Variants in MAPK4 observed in about 807,000 individuals in gnomAD.
The protein encoded by MAPK4 is Erk3-related.
MAPK4 carries 22 observed loss-of-function variants against 47.7 expected under a neutral mutation model. The ratio of observed to expected loss-of-function variants is 0.46; its 90% CI spans 0.33 to 0.66. The LOEUF is 0.66. MAPK4 is among the 30% of genes least tolerant of loss of function. The pLI, the probability that MAPK4 is intolerant of heterozygous loss-of-function variation, is 0.02. For synonymous variants in MAPK4, 390 were observed against 365.7 expected (o/e 1.07, Z -0.76); for missense variants, 736 against 831.7 (o/e 0.88, Z 1.42).
chr18:50,647,412 C>G (rs917501400), intron 1 of MAPK4, among the ~76,000 whole-genome samples: 4 of 152,162 alleles, frequency 2.6e-5, no homozygotes, highest in Non-Finnish European at 5.9e-5. Flanking sequence ...AACCCAGATT[C>G]AGCATCTTGA....
chr18:50,673,999 C>T (rs1051422796), intron 2 of MAPK4, among the ~76,000 whole-genome samples: 7 of 151,912 alleles, frequency 4.6e-5, no homozygotes, highest in African/African-American at 1.7e-4. Flanking sequence ...GTCTTTTTTT[C>T]TCCAGCTGAT....
intron 1 of MAPK4, among the ~76,000 whole-genome samples, chr18:50,597,315 G>A (rs1181012314): frequency 6.6e-6 from 1 of 152,158 alleles, no homozygotes; most frequent in Non-Finnish European, 1.5e-5. Flanking sequence ...CAGATCCAGA[G>A]ATATTACCAA....
At chr18:50,710,024 C>T (rs552660795) in intron 2 of MAPK4, among the ~76,000 whole-genome samples, 4 of 152,224 alleles carry the variant, frequency 2.6e-5, no homozygotes, top group South Asian at 2.1e-4. Flanking sequence ...GTTGGGAAGG[C>T]GAGGCTGTCA....
intron 1 of MAPK4, among the ~76,000 whole-genome samples, chr18:50,594,254 C>G (rs73430693): frequency 0.041 from 6,201 of 152,280 alleles, 454 homozygotes; most frequent in African/African-American, 0.14. Context: ...GTCTTCCTCT[C>G]CCAGTGCACT....
chr18:50,617,841 A>G (rs998337046), intron 1 of MAPK4, among the ~76,000 whole-genome samples: 8 of 152,192 alleles, frequency 5.3e-5, no homozygotes, highest in African/African-American at 1.9e-4. Flanking sequence ...TCTTGCTTAT[A>G]AAAGTCTTCA....
At chr18:50,586,998 C>T (rs2042394831) in intron 1 of MAPK4, among the ~76,000 whole-genome samples, 1 of 152,138 alleles carries the variant, frequency 6.6e-6, no homozygotes, top group Admixed American at 6.5e-5. Flanking sequence ...TATGAAATGA[C>T]AGCTGGTAAA....
In MAPK4 at chr18:50,688,864, C is replaced by A. The variant is rs111614879; in HGVS notation, c.546+24360C>A. On this transcript the variant is annotated intron_variant, in intron 2 of 5. Coordinates refer to ENST00000400384, the MANE Select transcript of MAPK4 (RefSeq NM_002747.4). ...ACTTACTCATATAACCAAATACCAC[C>A]TGTTCTCCCAAAAACCTATGGAAAT... is the stretch of plus-strand genomic sequence containing the variant. 2.1e-3 allele frequency among the ~76,000 whole-genome samples: 304 copies of A among 141,430 alleles called. 1 individual carries two copies. Among genetic ancestry groups the A allele is most frequent in the African/African-American group, 7.1e-3 (266 of 37,498 alleles). 92.8% of individuals were successfully genotyped at this position (141,430 alleles called of 152,430 possible).
At chr18:50,581,750 G>A (rs780153976) in intron 1 of MAPK4, among the ~76,000 whole-genome samples, 4 of 152,230 alleles carry the variant, frequency 2.6e-5, no homozygotes, top group South Asian at 2.1e-4. Context: ...GTAGAATGTG[G>A]TGAAGGGTTG....
intron 1 of MAPK4, among the ~76,000 whole-genome samples, chr18:50,634,653 C>T (rs1172736515): frequency 6.6e-6 from 1 of 152,150 alleles, no homozygotes; most frequent in African/African-American, 2.4e-5. Context: ...GGAAGAAATT[C>T]TGTGATCTGA....
intron 1 of MAPK4, among the ~76,000 whole-genome samples, chr18:50,655,825 G>T (rs2043104123): frequency 6.6e-6 from 1 of 152,128 alleles, no homozygotes; most frequent in African/African-American, 2.4e-5. Flanking sequence ...TTTCTTTTCT[G>T]GGCCTCAGGG....
At chr18:50,631,351 A>G (rs2144153970) in intron 1 of MAPK4, among the ~76,000 whole-genome samples, 1 of 152,252 alleles carries the variant, frequency 6.6e-6, no homozygotes, top group South Asian at 2.1e-4. Flanking sequence ...GATCAGACAT[A>G]CGGTTGGCTG....
At chr18:50,723,610 C>G (rs1032402999) in intron 4 of MAPK4, among the ~76,000 whole-genome samples, 4 of 152,176 alleles carry the variant, frequency 2.6e-5, no homozygotes, top group African/African-American at 9.7e-5. Flanking sequence ...AGCCTGTAAT[C>G]CCAGCACTTT....
intron 1 of MAPK4, among the ~76,000 whole-genome samples, chr18:50,627,292 C>T (rs904928078): frequency 4.6e-5 from 7 of 152,122 alleles, no homozygotes; most frequent in Admixed American, 6.5e-5. Context: ...GGAAGGATTC[C>T]GAAGGAAGGA....
intron 3 of MAPK4, among the ~76,000 whole-genome samples, chr18:50,718,882 G>A (rs1381371176): frequency 2.0e-5 from 3 of 152,002 alleles, no homozygotes; most frequent in African/African-American, 7.2e-5. Context: ...AGGAGCTCCA[G>A]ACCAGTCTGG....
At position 50,663,454 on chromosome 18, in the gene MAPK4, G is replaced by A. The variant is rs1366187460; in HGVS notation, c.-505G>A. 1 of 152,944 alleles carries A rather than the reference G, an allele frequency of 6.5e-6. No individual in the cohort carries two copies. The highest frequency in any genetic ancestry group is 1.5e-5 in the Non-Finnish European group (1 of 68,624). 9.5% of individuals were successfully genotyped at this position (152,944 alleles called of 1,614,324 possible). Reference sequence around the variant, plus strand: ...CATACTGCTTGGAACACAGAAAGAGGCTGTGACACAGCTGAGCTTTGGAGC... The same window carrying A: ...CATACTGCTTGGAACACAGAAAGAGACTGTGACACAGCTGAGCTTTGGAGC... On this transcript the variant is annotated 5_prime_UTR_variant, in exon 2 of 6. Transcript: ENST00000400384.
In MAPK4 at chr18:50,579,506, C is replaced by T. The variant is rs542920147; in HGVS notation, c.-871+19263C>T. On this transcript the variant is annotated intron_variant, in intron 1 of 5. Transcript: ENST00000400384. ...AAGTGGAGTGGGACAGTCCCACCTC[C>T]TTAGTCTAGATGAGTTTGGGGAGGA... Among the ~76,000 whole-genome samples, 13 of 152,266 alleles carry T rather than the reference C, an allele frequency of 8.5e-5. No individual in the cohort carries two copies. In the South Asian group the frequency reaches 2.3e-3, roughly 27 times the overall value.
intron 2 of MAPK4, among the ~76,000 whole-genome samples, chr18:50,670,901 C>A (rs1471685844): frequency 1.3e-5 from 2 of 152,184 alleles, no homozygotes; most frequent in South Asian, 2.1e-4. Flanking sequence ...TGAGGCCCAG[C>A]AATCTGTGTT....
At position 50,655,711 on chromosome 18, in the gene MAPK4, G is replaced by A. The variant is rs894512029; in HGVS notation, c.-870-7378G>A. On this transcript the variant is annotated intron_variant, in intron 1 of 5. Transcript: ENST00000400384. ...GCAGTTACACAGCAGTTCTTAACTCGGTGAGGAAACACCTCTGGTCATTAT... is the reference window on the plus strand; with the variant it reads ...GCAGTTACACAGCAGTTCTTAACTCAGTGAGGAAACACCTCTGGTCATTAT... Among the ~76,000 whole-genome samples, 4 of 152,128 alleles carry A rather than the reference G, an allele frequency of 2.6e-5. No individual in the cohort carries two copies. The East Asian group carries it at 5.8e-4, about 22-fold the overall frequency.
At chr18:50,671,704 C>A (rs1907964333) in intron 2 of MAPK4, among the ~76,000 whole-genome samples, 1 of 151,976 alleles carries the variant, frequency 6.6e-6, no homozygotes, top group Non-Finnish European at 1.5e-5. Flanking sequence ...GCCTGGGCAA[C>A]AGCGAGACCC....
Sources: allele counts gnomAD v4.1 joint callset (sites outside exome capture counted in the v4.1 genomes callset), GRCh38; gene constraint gnomAD v4.1.1; transcripts MANE v1.5; gene names NCBI Gene and HGNC (gene_info 2026-07-23, HGNC 2026-07-21).